GREB1L: variants seen among roughly 807,000 people sequenced by gnomAD.
GREB1L encodes the protein GREB1-like protein.
A neutral mutation model predicts 200.8 loss-of-function variants in GREB1L; 17 were observed. That is an observed-to-expected ratio of 0.08 (90% CI 0.06 to 0.13). The LOEUF (loss-of-function observed/expected upper bound fraction) is 0.13. GREB1L is among the 10% of genes least tolerant of loss of function. The pLI is 1.00. For missense variants in GREB1L, 1,657 were observed against 2,367.7 expected, an observed-to-expected ratio of 0.70 and a Z score of 6.23; for synonymous variants, 789 against 893.0, an observed-to-expected ratio of 0.88 and a Z score of 2.08.
intron 1 of GREB1L, among the ~76,000 whole-genome samples, chr18:21,331,616 T>C (rs143038746): frequency 5.9e-5 from 9 of 152,302 alleles, no homozygotes; most frequent in South Asian, 2.1e-4. Flanking sequence ...ATCTGGAATT[T>C]CTGTTTCAAG....
At chr18:21,250,663 C>T (rs979239020) in intron 1 of GREB1L, among the ~76,000 whole-genome samples, 1 of 152,170 alleles carries the variant, frequency 6.6e-6, no homozygotes, top group African/African-American at 2.4e-5. Context: ...TAAATGGACA[C>T]TAATATAAGT....
intron 19 of GREB1L, among the ~76,000 whole-genome samples, chr18:21,491,111 A>T (rs1379014586): frequency 6.6e-6 from 1 of 152,162 alleles, no homozygotes; most frequent in African/African-American, 2.4e-5. Flanking sequence ...CTGGGCCTGT[A>T]ATCCAGTGGG....
chr18:21,287,606 G>A (rs558815622), intron 1 of GREB1L, among the ~76,000 whole-genome samples: 8 of 151,996 alleles, frequency 5.3e-5, no homozygotes, highest in Non-Finnish European at 1.2e-4. Context: ...TTTTAACAAG[G>A]GAAACATTGC....
At chr18:21,380,538 G>C (rs181028468) in intron 2 of GREB1L, 2 of 152,344 alleles carry the variant, frequency 1.3e-5, no homozygotes, top group African/African-American at 4.8e-5. Flanking sequence ...TATCCAAGGT[G>C]AGGCTGTACA....
At chr18:21,274,630 A>G (rs898444174) in intron 1 of GREB1L, among the ~76,000 whole-genome samples, 1 of 152,158 alleles carries the variant, frequency 6.6e-6, no homozygotes, top group Non-Finnish European at 1.5e-5. Flanking sequence ...ACAATGACAC[A>G]TGCCTGTAAT....
chr18:21,264,703 C>G (rs927249967), intron 1 of GREB1L, among the ~76,000 whole-genome samples: 1 of 149,860 alleles, frequency 6.7e-6, no homozygotes, highest in Admixed American at 6.7e-5. Flanking sequence ...CCCCGCCCCA[C>G]GCCCCCCAAC....
intron 1 of GREB1L, among the ~76,000 whole-genome samples, chr18:21,257,308 A>T (rs141697404): frequency 2.6e-5 from 4 of 152,166 alleles, no homozygotes; most frequent in Non-Finnish European, 5.9e-5. Flanking sequence ...CCTCTGAATT[A>T]AAAATGTTAC....
intron 7 of GREB1L, among the ~76,000 whole-genome samples, chr18:21,429,186 C>T (rs2032930000): frequency 1.3e-5 from 1 of 79,820 alleles, no homozygotes; most frequent in Non-Finnish European, 2.6e-5. Context: ...TCCTTCCCCT[C>T]CCTTCCCCTC....
intron 1 of GREB1L, among the ~76,000 whole-genome samples, chr18:21,340,197 C>G (rs1169731748): frequency 6.6e-6 from 1 of 152,086 alleles, no homozygotes; most frequent in African/African-American, 2.4e-5. Context: ...GCGGGCAGAT[C>G]ATAAGGTCAG....
In GREB1L at chr18:21,271,826, A is replaced by T. The variant is rs2038084472; in HGVS notation, c.-120+29433A>T. On this transcript the variant is annotated intron_variant, in intron 1 of 32. Transcript: ENST00000424526. ...CAGAAATCCCTGCGGTGGACTTTCCATTAGGTTTCTTAGCTAGAACTGGGC... is the reference window on the plus strand; with the variant it reads ...CAGAAATCCCTGCGGTGGACTTTCCTTTAGGTTTCTTAGCTAGAACTGGGC... 2.0e-5 allele frequency among the ~76,000 whole-genome samples: 3 copies of T among 152,162 alleles called. No individual in the cohort carries two copies. In the South Asian group the frequency reaches 6.2e-4, roughly 32 times the overall value.
intron 15 of GREB1L, among the ~76,000 whole-genome samples, chr18:21,464,678 C>G (rs1254484800): frequency 1.3e-5 from 2 of 151,908 alleles, no homozygotes; most frequent in Admixed American, 1.3e-4. Context: ...CTGCCATAAC[C>G]AAGTAATCAA....
chr18:21,487,186 C>T lies in GREB1L; in HGVS notation c.2690+1433C>T, dbSNP rs569785401. 2.0e-5 allele frequency among the ~76,000 whole-genome samples: 3 copies of T among 152,288 alleles called. No homozygotes were observed. In the East Asian group the frequency reaches 5.8e-4, roughly 29 times the overall value. ...CATCCACCAGCTTGAAATGCATCTT[C>T]TTTTTCTGGTAACATCATTCAGAGT... On this transcript the variant is annotated intron_variant, in intron 18 of 32. Coordinates refer to ENST00000424526, the MANE Select transcript of GREB1L (RefSeq NM_001142966.3).
Position 21,333,984 on chromosome 18 carries a change from TA to T in GREB1L, c.-119-32028del, listed in dbSNP as rs796925427. Among the ~76,000 whole-genome samples, 642 of 138,456 alleles carry T rather than the reference TA, an allele frequency of 4.6e-3. 2 individuals carry two copies. The highest frequency in any genetic ancestry group is 0.011 in the Middle Eastern group (3 of 274). The allele number at this position is 138,456 out of a possible 152,430, so 90.8% of individuals were successfully genotyped here. ...GTGACCGACTGACGAAGATCTTGCC[TA>T]AAAAAAAAAAAAAATTACATTTCTA... On this transcript the variant is annotated intron_variant, in intron 1 of 32. Transcript: ENST00000424526.
chr18:21,432,709 T>TTTC lies in GREB1L; in HGVS notation c.833-6810_833-6809insCTT, dbSNP rs2033255515. Among the ~76,000 whole-genome samples, 8 of 139,100 alleles carry TTTC rather than the reference T, an allele frequency of 5.8e-5. No homozygotes were observed. The South Asian group carries it at 1.9e-3, about 33-fold the overall frequency. 91.3% of individuals were successfully genotyped at this position (139,100 alleles called of 152,430 possible). A position where few individuals can be genotyped will look rare whatever the true frequency, so the allele number is the denominator to read the frequency against. On this transcript the variant is annotated intron_variant, in intron 7 of 32. Coordinates refer to ENST00000424526, the MANE Select transcript of GREB1L (RefSeq NM_001142966.3). The stretch of plus-strand genomic sequence containing the variant: ...ATTTAACATTTTCTTTTTTTTCTTT[T>TTTC]TTTTTTTTTTTTTTTGAGACAGTGT...
At position 21,402,954 on chromosome 18, in the gene GREB1L, C is replaced by T. The variant is rs144019479; in HGVS notation, c.710-918C>T. Among the ~76,000 whole-genome samples, 263 of 151,452 alleles carry T rather than the reference C, an allele frequency of 1.7e-3. 2 individuals carry two copies. The highest frequency in any genetic ancestry group is 0.012 in the Admixed American group (178 of 15,186). The stretch of plus-strand genomic sequence containing the variant: ...CATATAATATCAATATACATATATG[C>T]GTATATTACCTATTGGAGATAAGCT... On this transcript the variant is annotated intron_variant, in intron 6 of 32. Transcript: ENST00000424526.
At chr18:21,387,061 T>A (rs2040573418) in intron 4 of GREB1L, among the ~76,000 whole-genome samples, 1 of 152,222 alleles carries the variant, frequency 6.6e-6, no homozygotes, top group Non-Finnish European at 1.5e-5. Flanking sequence ...GGGTTTACCA[T>A]TCAGATGTAA....
chr18:21,386,444 C>A (rs1477659274), intron 4 of GREB1L, among the ~76,000 whole-genome samples: 32 of 152,052 alleles, frequency 2.1e-4, no homozygotes, highest in Admixed American at 2.1e-3. Context: ...GTGCCCGCCA[C>A]CACGCCTGGC....
In GREB1L at chr18:21,250,855, C is replaced by G. The variant is rs573694195; in HGVS notation, c.-120+8462C>G. On this transcript the variant is annotated intron_variant, in intron 1 of 32. Coordinates refer to ENST00000424526, the MANE Select transcript of GREB1L (RefSeq NM_001142966.3). ...TTGGTTTTTTTCTCATGTTTTCTTTCTTTTCCTCTTGTTTCCTTTCTTCTT... is the reference window on the plus strand; with the variant it reads ...TTGGTTTTTTTCTCATGTTTTCTTTGTTTTCCTCTTGTTTCCTTTCTTCTT... 2.0e-4 allele frequency among the ~76,000 whole-genome samples: 31 copies of G among 152,220 alleles called. No individual in the cohort carries two copies. In the South Asian group the frequency reaches 6.2e-3, roughly 31 times the overall value.
Position 21,513,184 on chromosome 18 carries a change from G to A in GREB1L, c.4736-637G>A, listed in dbSNP as rs1341073163. 2.0e-5 allele frequency among the ~76,000 whole-genome samples: 3 copies of A among 152,182 alleles called. No homozygotes were observed. The East Asian group carries it at 5.8e-4, about 29-fold the overall frequency. On this transcript the variant is annotated intron_variant, in intron 27 of 32. Transcript: ENST00000424526. ...ACATGGCTAGAAAGTGGTGGAATTA[G>A]GATTCAAAATCAGACAGTTTGGCTC...
Sources: gnomAD v4.1 joint callset for allele counts (sites outside exome capture counted in the v4.1 genomes callset) on GRCh38, gnomAD v4.1.1 for gene constraint, MANE v1.5 for transcripts, NCBI Gene and HGNC (gene_info 2026-07-23, HGNC 2026-07-21) for gene names.